ATP2B2: variants seen among roughly 807,000 people sequenced by gnomAD.
ATP2B2 encodes plasma membrane calcium-transporting ATPase 2.
In ATP2B2, 15 loss-of-function variants were observed where a neutral mutation model predicts 120.0. The observed-to-expected ratio is 0.12, with a 90% CI of 0.08 to 0.19. The LOEUF (loss-of-function observed/expected upper bound fraction) is 0.19, where lower values mean the gene tolerates loss of function less well. Ranked by LOEUF, ATP2B2 falls within the 10% of genes least tolerant of loss-of-function variation. The pLI is 1.00. For synonymous variants in ATP2B2, 694 were observed against 700.3 expected, an observed-to-expected ratio of 0.99 and a Z score of 0.14; for missense variants, 1,045 against 1,719.8, an observed-to-expected ratio of 0.61 and a Z score of 6.94.
At chr3:10,694,503 C>T in intron 1 of ATP2B2, among the ~76,000 whole-genome samples, 1 of 152,224 alleles carries the variant, frequency 6.6e-6, no homozygotes, top group Non-Finnish European at 1.5e-5. Flanking sequence ...CTTCTTATTG[C>T]TGAGTACTGT....
At chr3:10,608,240 T>C (rs1424982688) in intron 2 of ATP2B2, among the ~76,000 whole-genome samples, 1 of 152,238 alleles carries the variant, frequency 6.6e-6, no homozygotes, top group Non-Finnish European at 1.5e-5. Flanking sequence ...GATGCAAAGC[T>C]GACCACATCA....
intron 1 of ATP2B2, among the ~76,000 whole-genome samples, chr3:10,492,223 G>T (rs1320357465): frequency 6.6e-6 from 1 of 152,134 alleles, no homozygotes; most frequent in African/African-American, 2.4e-5. Context: ...GTGCTCTGCT[G>T]GGGGAGAAGC....
At chr3:10,566,442 A>G (rs1221975103) in intron 2 of ATP2B2, 1 of 152,220 alleles carries the variant, frequency 6.6e-6, no homozygotes, top group Non-Finnish European at 1.5e-5. Flanking sequence ...ACCAATACAC[A>G]TAATTTCAAA....
At chr3:10,562,099 G>A (rs1417455117) in intron 2 of ATP2B2, among the ~76,000 whole-genome samples, 1 of 152,190 alleles carries the variant, frequency 6.6e-6, no homozygotes, top group African/African-American at 2.4e-5. Context: ...GAATGTGGAT[G>A]AGGTCTGCTA....
intron 3 of ATP2B2, among the ~76,000 whole-genome samples, chr3:10,529,347 C>T (rs1359716064): frequency 1.3e-5 from 2 of 152,220 alleles, no homozygotes; most frequent in East Asian, 1.9e-4. Context: ...GGCCTTCCTG[C>T]CTGTAACCAC....
chr3:10,547,788 CA>C (rs2067584061), intron 2 of ATP2B2, among the ~76,000 whole-genome samples: 2 of 152,192 alleles, frequency 1.3e-5, no homozygotes, highest in African/African-American at 2.4e-5. Flanking sequence ...CCTTGTAAGG[CA>C]AAATCATCTT....
At chr3:10,608,323 C>T (rs1028389220) in intron 2 of ATP2B2, among the ~76,000 whole-genome samples, 9 of 152,266 alleles carry the variant, frequency 5.9e-5, no homozygotes, top group Non-Finnish European at 1.0e-4. Context: ...ACTGGGGAGG[C>T]TGAGGTGGGA....
At chr3:10,383,321 GCCTAGGAAACTCTA>G (rs2061582807) in intron 8 of ATP2B2, among the ~76,000 whole-genome samples, 1 of 152,068 alleles carries the variant, frequency 6.6e-6, no homozygotes, top group Non-Finnish European at 1.5e-5. Flanking sequence ...AGTCAAATCA[GCCTAGGAAACTCTA>G]TGTGACTCTG....
chr3:10,556,279 G>A (rs368342306), intron 2 of ATP2B2, among the ~76,000 whole-genome samples: 6 of 152,212 alleles, frequency 3.9e-5, no homozygotes, highest in African/African-American at 1.4e-4. Context: ...TTGTCTATGT[G>A]ACTGCTCTCA....
intron 1 of ATP2B2, among the ~76,000 whole-genome samples, chr3:10,486,183 T>C (rs1039580298): frequency 8.5e-5 from 13 of 152,226 alleles, no homozygotes; most frequent in Admixed American, 2.0e-4. Flanking sequence ...CAAACTAACC[T>C]TGCTTTGCCA....
intron 2 of ATP2B2, among the ~76,000 whole-genome samples, chr3:10,425,601 A>T (rs750276296): frequency 8.5e-5 from 13 of 152,166 alleles, no homozygotes; most frequent in Non-Finnish European, 1.9e-4. Flanking sequence ...GGCACACGGT[A>T]GGTGTTCAAT....
chr3:10,470,745 A>G (rs1250322830), intron 1 of ATP2B2, among the ~76,000 whole-genome samples: 1 of 152,076 alleles, frequency 6.6e-6, no homozygotes, highest in Non-Finnish European at 1.5e-5. Flanking sequence ...GCGTGGTGAG[A>G]TTTCCAGGGG....
chr3:10,332,243 G>A (rs2060000728), intron 22 of ATP2B2: 2 of 559,058 alleles, frequency 3.6e-6, no homozygotes, highest in Non-Finnish European at 6.5e-6. Context: ...TCAGAACCAG[G>A]AATCTGCAGG....
At position 10,635,072 on chromosome 3, in the gene ATP2B2, C is replaced by T. The variant is rs1301093776; in HGVS notation, c.-459-15111G>A. Among the ~76,000 whole-genome samples the T allele has an allele frequency of 1.3e-5, 2 of 151,740 alleles. No homozygotes were observed. The highest frequency in any genetic ancestry group is 2.9e-5 in the Non-Finnish European group (2 of 67,952). Reference sequence around the variant, plus strand: ...TCGCAGGACCCCGAGATAAATGTCCCTGGGAATTGGAATGGTATCACTGGC... The same window carrying T: ...TCGCAGGACCCCGAGATAAATGTCCTTGGGAATTGGAATGGTATCACTGGC... On this transcript the variant is annotated intron_variant, in intron 1 of 21. Coordinates refer to the ATP2B2 transcript ENST00000646379. This position sits in a 1 kb window ranked among gnomAD's most constrained non-coding sequence, Gnocchi z 4.3.
At chr3:10,690,943 C>A (rs912562485) in intron 1 of ATP2B2, among the ~76,000 whole-genome samples, 1 of 152,204 alleles carries the variant, frequency 6.6e-6, no homozygotes, top group Admixed American at 6.5e-5. Flanking sequence ...TCTCAAATGC[C>A]TAAGACAGTG....
intron 3 of ATP2B2, among the ~76,000 whole-genome samples, chr3:10,521,384 A>G (rs547299977): frequency 6.6e-6 from 1 of 152,348 alleles, no homozygotes; most frequent in South Asian, 2.1e-4. Context: ...GGACCAGAAA[A>G]TCCTTCATTC....
intron 5 of ATP2B2, among the ~76,000 whole-genome samples, chr3:10,391,366 G>C (rs1189308854): frequency 6.6e-6 from 1 of 152,222 alleles, no homozygotes; most frequent in African/African-American, 2.4e-5. Context: ...TCTGCTCTGA[G>C]TAGAAAGGTT....
intron 2 of ATP2B2, among the ~76,000 whole-genome samples, chr3:10,562,206 G>A (rs1441529502): frequency 2.0e-5 from 3 of 152,160 alleles, no homozygotes; most frequent in African/African-American, 4.8e-5. Context: ...GAGATCAGAT[G>A]AGCTGCACCT....
rs182534086 is a variant in ATP2B2 at position 10,446,636 on chromosome 3, C to T, written c.199+2709G>A. 2.0e-5 allele frequency among the ~76,000 whole-genome samples: 3 copies of T among 152,308 alleles called. No homozygotes were observed. In the East Asian group the frequency reaches 5.8e-4, roughly 29 times the overall value. On this transcript the variant is annotated intron_variant, in intron 2 of 22. Transcript: ENST00000360273. ...GGCATTATGCTCTTCTGCCTCTCCC[C>T]AAATCTCTTCCAGCCTGTACCTCCC...
Sources: allele counts gnomAD v4.1 joint callset (sites outside exome capture counted in the v4.1 genomes callset), GRCh38; gene constraint gnomAD v4.1.1; non-coding constraint Gnocchi (gnomAD v3.1); transcripts MANE v1.5; gene names NCBI Gene and HGNC (gene_info 2026-07-23, HGNC 2026-07-21).